Variants in C1QTNF9B observed in about 807,000 individuals in gnomAD.
The protein encoded by C1QTNF9B is C1q and TNF related 9B.
In C1QTNF9B, 9 loss-of-function variants were observed where a neutral mutation model predicts 10.1. The ratio of observed to expected loss-of-function variants is 0.89; its 90% confidence interval spans 0.53 to 1.55. The LOEUF is 1.55. Ranked by LOEUF, C1QTNF9B falls within the 40% of genes most tolerant of loss-of-function variation. C1QTNF9B has a pLI of 0.00. For missense variants in C1QTNF9B, 196 were observed against 414.4 expected (o/e 0.47, Z 4.58); for synonymous variants, 79 against 159.9 (o/e 0.49, Z 3.82).
chr13:23,896,721 TTG>T, intron 1 of C1QTNF9B, 98 bp downstream of exon 3: 5 of 1,308,656 alleles, frequency 3.8e-6, no homozygotes, highest in Non-Finnish European at 5.2e-6. Context: ...GATGGATGGG[TTG>T]TGAGTGGGTA....
At chr13:23,895,621 TA>T (rs1872172998) in intron 1 of C1QTNF9B, among the ~76,000 whole-genome samples, 1 of 152,172 alleles carries the variant, frequency 6.6e-6, no homozygotes, top group South Asian at 2.1e-4. Flanking sequence ...TGGTATTGAA[TA>T]TAGAAGTGTT....
chr13:23,894,209 G>A lies in C1QTNF9B; in HGVS notation c.167-8C>T, dbSNP rs1421496717. On this transcript the variant is annotated splice_polypyrimidine_tract_variant and splice_region_variant and intron_variant, in intron 1 of 2. Coordinates refer to ENST00000382137, the Ensembl canonical transcript of C1QTNF9B. Reference sequence around the variant, plus strand: ...CAGGACATCCTGGTTCTCCTAGGTGGAAAAGCAGAAAACAGGCATGAGTTG... The same window carrying A: ...CAGGACATCCTGGTTCTCCTAGGTGAAAAAGCAGAAAACAGGCATGAGTTG... 6.7e-7 allele frequency: 1 copy of A among 1,482,052 alleles called. No individual in the cohort carries two copies. The highest frequency in any genetic ancestry group is 9.4e-7 in the Non-Finnish European group (1 of 1,068,038). The allele number at this position is 1,482,052 out of a possible 1,614,324, so 91.8% of individuals were successfully genotyped here. A position where few individuals can be genotyped will look rare whatever the true frequency, so the allele number is the denominator to read the frequency against.
chr13:23,894,905 G>A (rs1006806761), intron 1 of C1QTNF9B, among the ~76,000 whole-genome samples: 1 of 152,162 alleles, frequency 6.6e-6, no homozygotes, highest in African/African-American at 2.4e-5. Flanking sequence ...TTGGGCCACA[G>A]CTCACCCCAG....
At chr13:23,896,922 G>A in exon 1 of C1QTNF9B, 1 of 1,614,064 alleles carries the variant, frequency 6.2e-7, no homozygotes, top group South Asian at 1.1e-5. Flanking sequence ...TTGCCTGCAG[G>A]TGTCCTGTGA....
chr13:23,891,847 A>T (rs775273604), exon 3 of C1QTNF9B: 4 of 1,611,058 alleles, frequency 2.5e-6, no homozygotes, highest in Non-Finnish European at 3.4e-6. Context: ...CCGGTAAACC[A>T]GTTGGGCCCA....
At chr13:23,896,910 C>G in exon 1 of C1QTNF9B, 1 of 1,614,084 alleles carries the variant, frequency 6.2e-7, no homozygotes, top group Non-Finnish European at 8.5e-7. Context: ...TCCAGGGTGC[C>G]CTTGCCTGCA....
At chr13:23,897,161 G>C, upstream of C1QTNF9B, 1 of 772,504 alleles carries the variant, frequency 1.3e-6, no homozygotes, top group Non-Finnish European at 2.0e-6. Flanking sequence ...AGGGGAGCAA[G>C]CTGGTTATTA....
exon 1 of C1QTNF9B, chr13:23,896,903 A>T (rs757888417): frequency 6.2e-6 from 10 of 1,613,922 alleles, no homozygotes; most frequent in Middle Eastern, 1.6e-4. Flanking sequence ...CAGGGATTCC[A>T]GGGTGCCCTT....
chr13:23,892,397 G>A (rs916330568), intron 2 of C1QTNF9B, among the ~76,000 whole-genome samples: 2 of 152,214 alleles, frequency 1.3e-5, no homozygotes, highest in South Asian at 4.1e-4. Flanking sequence ...GCTTATGCCT[G>A]TAATCCTAGC....
At chr13:23,892,452 C>T (rs1480417423) in intron 2 of C1QTNF9B, among the ~76,000 whole-genome samples, 1 of 152,112 alleles carries the variant, frequency 6.6e-6, no homozygotes, top group Non-Finnish European at 1.5e-5. Flanking sequence ...TCCAGGAATT[C>T]AAGATCAGGC....
At chr13:23,896,822 T>G in exon 1 of C1QTNF9B, 1 of 1,612,838 alleles carries the variant, frequency 6.2e-7, no homozygotes, top group Non-Finnish European at 8.5e-7. Context: ...GGTGAGTACC[T>G]GCATCGCCTT....
At chr13:23,895,504 T>C (rs9551018) in intron 1 of C1QTNF9B, among the ~76,000 whole-genome samples, 30,211 of 152,028 alleles carry the variant, frequency 0.2, 3,741 homozygotes, top group East Asian at 0.45. Context: ...ATGAATTACA[T>C]AGAAAAAATA....
chr13:23,892,061 C>A (rs1872018467), exon 3 of C1QTNF9B: 7 of 1,613,270 alleles, frequency 4.3e-6, no homozygotes, highest in Non-Finnish European at 5.9e-6. Context: ...TCCATCTGCT[C>A]CTAAATAGAG....
chr13:23,893,536 G>A (rs1188219104), intron 2 of C1QTNF9B, among the ~76,000 whole-genome samples: 1 of 152,208 alleles, frequency 6.6e-6, no homozygotes, highest in Admixed American at 6.5e-5. Context: ...GCAGTGATGA[G>A]ATCATGGCTC....
intron 1 of C1QTNF9B, among the ~76,000 whole-genome samples, chr13:23,895,339 C>T (rs1260519769): frequency 2.6e-5 from 4 of 151,998 alleles, no homozygotes; most frequent in Non-Finnish European, 4.4e-5. Context: ...TATGTTTCTA[C>T]ATTATGCACA....
chr13:23,897,037 A>T, upstream of C1QTNF9B: 1 of 1,610,680 alleles, frequency 6.2e-7, no homozygotes, highest in Non-Finnish European at 8.5e-7. Context: ...CCCAGAGGAG[A>T]AACCTTTGTT....
chr13:23,896,690 G>A, intron 1 of C1QTNF9B, 131 bp downstream of exon 3: 1 of 1,365,964 alleles, frequency 7.3e-7, no homozygotes, highest in Non-Finnish European at 1.0e-6. Context: ...TCAGGCTCCA[G>A]TGAATGTTGC....
intron 1 of C1QTNF9B, among the ~76,000 whole-genome samples, chr13:23,896,555 G>C (rs1872205865): frequency 6.6e-6 from 1 of 152,186 alleles, no homozygotes; most frequent in South Asian, 2.1e-4. Flanking sequence ...AGAGATGAGA[G>C]AACCCAGGAG....
At chr13:23,897,174 A>ATGGT (rs1389558766), upstream of C1QTNF9B, 1 of 675,060 alleles carries the variant, frequency 1.5e-6, no homozygotes, top group African/African-American at 1.8e-5. Context: ...GGTTATTACC[A>ATGGT]GGATGACATT....
Sources: gnomAD v4.1 joint callset for allele counts (sites outside exome capture counted in the v4.1 genomes callset) on GRCh38, gnomAD v4.1.1 for gene constraint, MANE v1.5 for transcripts, NCBI Gene and HGNC (gene_info 2026-07-23, HGNC 2026-07-21) for gene names.